The following RPS6KB1 variants were observed in gnomAD, a reference collection of about 807,000 sequenced individuals.
RPS6KB1 encodes ribosomal protein S6 kinase B1.
Under a neutral mutation model 70.2 loss-of-function variants are expected in RPS6KB1, and 12 were observed. The ratio of observed to expected loss-of-function variants is 0.17; its 90% CI spans 0.11 to 0.28. RPS6KB1 has a LOEUF of 0.28. RPS6KB1 is among the 10% of genes least tolerant of loss of function. The pLI, the probability that RPS6KB1 is intolerant of heterozygous loss-of-function variation, is 1.00. For missense variants in RPS6KB1, 270 were observed against 646.6 expected (o/e 0.42, Z 6.32); for synonymous variants, 175 against 211.2 (o/e 0.83, Z 1.49).
chr17:59,900,850 A>G (rs1230971923), intron 1 of RPS6KB1, among the ~76,000 whole-genome samples: 2 of 151,954 alleles, frequency 1.3e-5, no homozygotes, highest in Non-Finnish European at 2.9e-5. Flanking sequence ...AGCCATCACC[A>G]AAATTAGGTT....
intron 1 of RPS6KB1, among the ~76,000 whole-genome samples, chr17:59,902,164 G>C (rs1371750797): frequency 7.3e-6 from 1 of 136,952 alleles, no homozygotes; most frequent in Non-Finnish European, 1.5e-5. Flanking sequence ...GAGTGCAGTG[G>C]TGTGATCTCT....
chr17:59,940,353 C>T (rs1453264624), intron 12 of RPS6KB1, among the ~76,000 whole-genome samples: 2 of 139,736 alleles, frequency 1.4e-5, no homozygotes, highest in African/African-American at 2.6e-5. Flanking sequence ...GTGGCACGAT[C>T]TCTGCTTGCT....
chr17:59,912,634 A>G, intron 2 of RPS6KB1, 50 bp from the exon 3 acceptor site: 1 of 1,589,392 alleles, frequency 6.3e-7, no homozygotes, highest in Middle Eastern at 1.7e-4. Context: ...ATATGCTGAA[A>G]GTAATTTAAC....
At chr17:59,921,076 A>T (rs1235033771) in intron 4 of RPS6KB1, among the ~76,000 whole-genome samples, 3 of 152,234 alleles carry the variant, frequency 2.0e-5, no homozygotes, top group African/African-American at 7.2e-5. Context: ...CATATTAGGC[A>T]TAATTAGATC....
chr17:59,944,791 C>CTTTTTTTTT (rs3066277), intron 13 of RPS6KB1, among the ~76,000 whole-genome samples: 1 of 134,490 alleles, frequency 7.4e-6, no homozygotes. Context: ...TATTTAACAT[C>CTTTTTTTTT]TTTTTTTTTT....
At chr17:59,895,702 G>A (rs893244499) in intron 1 of RPS6KB1, among the ~76,000 whole-genome samples, 6 of 151,348 alleles carry the variant, frequency 4.0e-5, no homozygotes, top group East Asian at 1.9e-4. Flanking sequence ...GCCTGATCTC[G>A]GCTCACTGCA....
chr17:59,941,635 ATT>A (rs1382781597), intron 13 of RPS6KB1, among the ~76,000 whole-genome samples: 9 of 134,306 alleles, frequency 6.7e-5, no homozygotes, highest in Non-Finnish European at 6.5e-5. Flanking sequence ...TAAGTAGGGG[ATT>A]TTTTTTTTTT....
intron 12 of RPS6KB1, among the ~76,000 whole-genome samples, chr17:59,940,051 A>G (rs1054022467): frequency 2.0e-5 from 3 of 152,152 alleles, no homozygotes; most frequent in African/African-American, 7.2e-5. Flanking sequence ...AAAGGAATGA[A>G]ATAAGCTGTG....
At chr17:59,904,633 A>G (rs2042157045) in intron 1 of RPS6KB1, among the ~76,000 whole-genome samples, 1 of 147,302 alleles carries the variant, frequency 6.8e-6, no homozygotes, top group African/African-American at 2.5e-5. Context: ...TCCTCAAATT[A>G]TCCTCCTGCC....
In RPS6KB1 at chr17:59,934,548, A is replaced by C; in HGVS notation, c.870+24A>C. 6.4e-7 allele frequency: 1 copy of C among 1,555,234 alleles called. No homozygotes were observed. Among genetic ancestry groups the C allele is most frequent in the Non-Finnish European group, 8.9e-7 (1 of 1,126,444 alleles). On this transcript the variant is annotated intron_variant, in intron 9 of 14. Coordinates refer to ENST00000225577, the MANE Select transcript of RPS6KB1 (RefSeq NM_003161.4). This position sits in a 1 kb window ranked among gnomAD's most constrained non-coding sequence, Gnocchi z 4.8. ...CAGTAGGTGCACAGTTAAAAGCTGC[A>C]TGTATTATTGGTCTGTGCTGAGTCA...
chr17:59,947,820 A>T lies in RPS6KB1; in HGVS notation c.*1032A>T. 1 of 476,714 alleles carries T rather than the reference A, an allele frequency of 2.1e-6. No individual in the cohort carries two copies. The highest frequency in any genetic ancestry group is 3.3e-5 in the East Asian group (1 of 30,042). 29.5% of individuals were successfully genotyped at this position (476,714 alleles called of 1,614,324 possible). A position where few individuals can be genotyped will look rare whatever the true frequency, so the allele number is the denominator to read the frequency against. ...TCGGCAAGGTGAGGGAGATAGGGAT[A>T]TCCAGGGGAAGAGGGTGTTGCTGTG... On this transcript the variant is annotated 3_prime_UTR_variant, in exon 15 of 15. Transcript: ENST00000225577.
intron 2 of RPS6KB1, chr17:59,912,368 T>A (rs2042697094): frequency 8.5e-6 from 2 of 235,440 alleles, no homozygotes; most frequent in Non-Finnish European, 1.7e-5. Flanking sequence ...TTGGACTAAG[T>A]GATCTTACTT....
chr17:59,913,465 C>T (rs2042764254), intron 3 of RPS6KB1, among the ~76,000 whole-genome samples: 1 of 152,188 alleles, frequency 6.6e-6, no homozygotes, highest in Admixed American at 6.5e-5. Flanking sequence ...CTTAAGAACA[C>T]ATTGTAATTT....
chr17:59,918,735 T>G (rs907508049), intron 4 of RPS6KB1, among the ~76,000 whole-genome samples: 1 of 152,124 alleles, frequency 6.6e-6, no homozygotes, highest in Non-Finnish European at 1.5e-5. Context: ...TTTTTTGACT[T>G]TCTGTTTTCT....
chr17:59,928,121 A>T (rs969970008), intron 5 of RPS6KB1, among the ~76,000 whole-genome samples: 8 of 151,372 alleles, frequency 5.3e-5, no homozygotes, highest in African/African-American at 1.9e-4. Context: ...TCGCGCCAGT[A>T]CACTGCAACC....
intron 1 of RPS6KB1, among the ~76,000 whole-genome samples, chr17:59,901,350 C>T (rs1360790095): frequency 6.0e-5 from 9 of 151,232 alleles, no homozygotes; most frequent in East Asian, 2.0e-4. Context: ...GGGGTTTCAC[C>T]GTGTTAGCCA....
chr17:59,911,893 T>C (rs1229593316), intron 2 of RPS6KB1, among the ~76,000 whole-genome samples: 1 of 152,036 alleles, frequency 6.6e-6, no homozygotes. Flanking sequence ...ACCACGCCCA[T>C]TGGATTCTTT....
intron 13 of RPS6KB1, 87 bp from the exon 14 acceptor site, chr17:59,945,319 T>A: frequency 1.5e-6 from 1 of 687,324 alleles, no homozygotes; most frequent in Non-Finnish European, 2.6e-6. Context: ...TGTGCATCAT[T>A]GTGTAGGTAT....
intron 4 of RPS6KB1, among the ~76,000 whole-genome samples, chr17:59,917,281 G>A (rs2043013663): frequency 6.6e-6 from 1 of 151,374 alleles, no homozygotes; most frequent in African/African-American, 2.4e-5. Context: ...ACCAGGCCTG[G>A]CTAATAAAAA....
Sources: allele counts gnomAD v4.1 joint callset (sites outside exome capture counted in the v4.1 genomes callset), GRCh38; gene constraint gnomAD v4.1.1; non-coding constraint Gnocchi (gnomAD v3.1); transcripts MANE v1.5; gene names NCBI Gene and HGNC (gene_info 2026-07-23, HGNC 2026-07-21).